The following SNRPN variants were observed in gnomAD, a reference collection of about 807,000 sequenced individuals.
SNRPN encodes small nuclear ribonucleoprotein-associated protein N.
A neutral mutation model predicts 25.2 loss-of-function variants in SNRPN; 7 were observed. That is an observed-to-expected ratio of 0.28 (90% CI 0.16 to 0.52). The LOEUF (loss-of-function observed/expected upper bound fraction) is 0.52, where lower values mean the gene tolerates loss of function less well. Ranked by LOEUF, SNRPN falls within the 20% of genes least tolerant of loss-of-function variation. The pLI, the probability that SNRPN is intolerant of heterozygous loss-of-function variation, is 0.96. For synonymous variants in SNRPN, 124 were observed against 110.6 expected, an observed-to-expected ratio of 1.12 and a Z score of -0.76; for missense variants, 196 against 322.5, an observed-to-expected ratio of 0.61 and a Z score of 3.00.
chr15:24,954,527 A>G (rs1401153749), upstream of SNRPN, among the ~76,000 whole-genome samples: 1 of 152,126 alleles, frequency 6.6e-6, no homozygotes, highest in African/African-American at 2.4e-5. Context: ...ATGCTTTTAG[A>G]GTTAGGGATA....
intron 2 of SNRPN, among the ~76,000 whole-genome samples, chr15:24,841,639 T>C (rs1201496661): frequency 6.6e-6 from 1 of 152,154 alleles, no homozygotes; most frequent in African/African-American, 2.4e-5. Flanking sequence ...GCCCCATTCT[T>C]AACTGTGTCA....
chr15:24,824,623 C>G lies in SNRPN; in HGVS notation c.-687+773C>G, dbSNP rs17114784. On this transcript the variant is annotated intron_variant, in intron 1 of 12. Coordinates refer to the SNRPN transcript ENST00000400100. ...ATTACAATCTTTATTTCTTCTATATCAATGAGCAAACTACTTTTTTAATTT... is the reference window on the plus strand; with the variant it reads ...ATTACAATCTTTATTTCTTCTATATGAATGAGCAAACTACTTTTTTAATTT... 7.3e-3 allele frequency among the ~76,000 whole-genome samples: 1,116 copies of G among 152,178 alleles called. 16 individuals are homozygous for G. The highest frequency in any genetic ancestry group is 0.025 in the African/African-American group (1,033 of 41,444).
At chr15:24,856,078 T>C (rs576754828), upstream of SNRPN, among the ~76,000 whole-genome samples, 1 of 152,308 alleles carries the variant, frequency 6.6e-6, no homozygotes, top group Middle Eastern at 3.4e-3. Flanking sequence ...GGTTTATTTC[T>C]CTGTGAAAAT....
Position 24,827,123 on chromosome 15 carries a change from T to G in SNRPN, c.-686-2675T>G, listed in dbSNP as rs557017385. Among the ~76,000 whole-genome samples, 10 of 152,192 alleles carry G rather than the reference T, an allele frequency of 6.6e-5. No individual in the cohort carries two copies. In the South Asian group the frequency reaches 1.9e-3, roughly 28 times the overall value. On this transcript the variant is annotated intron_variant, in intron 1 of 12. Transcript: ENST00000400100. ...GTTTAAAGCAGATATCATGAGTGGA[T>G]TTTGCAGGACCGGAAGTTCATCCAG...
At position 24,871,889 on chromosome 15, in the gene SNRPN, C is replaced by T. The variant is rs111286959; in HGVS notation, c.-578-14627C>T. ...CTGGCTAATTTTTTTGTACTTTTAG[C>T]AGAGACGGGGTTTCACCATGTTAGC... On this transcript the variant is annotated intron_variant, in intron 1 of 11. Transcript: ENST00000400097. Among the ~76,000 whole-genome samples, 32 of 117,196 alleles carry T rather than the reference C, an allele frequency of 2.7e-4. 12 individuals are homozygous for T. Among genetic ancestry groups the T allele is most frequent in the Non-Finnish European group, 3.0e-4 (16 of 53,838 alleles). The allele number at this position is 117,196 out of a possible 152,430, so 76.9% of individuals were successfully genotyped here.
At chr15:24,963,017 T>G (rs2075077989) in intron 2 of SNRPN, among the ~76,000 whole-genome samples, 1 of 152,106 alleles carries the variant, frequency 6.6e-6, no homozygotes, top group Non-Finnish European at 1.5e-5. Context: ...ACTGGCCTTT[T>G]CCTCCCCAGA....
intron 1 of SNRPN, among the ~76,000 whole-genome samples, chr15:24,958,198 CTTTG>C (rs901944150): frequency 6.6e-6 from 1 of 152,140 alleles, no homozygotes; most frequent in African/African-American, 2.4e-5. Flanking sequence ...TAATAAACAT[CTTTG>C]TTTTACAAAA....
At chr15:24,976,850 T>G in intron 6 of SNRPN, 27 bp from the exon 7 acceptor site, 1 of 1,600,168 alleles carries the variant, frequency 6.2e-7, no homozygotes, top group East Asian at 2.2e-5. Context: ...ATTGTTTGAT[T>G]TTAGGCTATG....
At chr15:24,907,399 C>A (rs2058880258) in intron 2 of SNRPN, among the ~76,000 whole-genome samples, 1 of 151,906 alleles carries the variant, frequency 6.6e-6, no homozygotes, top group South Asian at 2.1e-4. Context: ...AGATCGAGAC[C>A]ATCCTGACTA....
In SNRPN at chr15:24,898,327, C is replaced by T. The variant is rs369635624; in HGVS notation, c.-505+11738C>T. 5.9e-4 allele frequency among the ~76,000 whole-genome samples: 90 copies of T among 152,290 alleles called. 2 individuals carry two copies. The East Asian group carries it at 0.014, about 23-fold the overall frequency. On this transcript the variant is annotated intron_variant, in intron 2 of 11. Transcript: ENST00000400097. ...ATATTGAGCTAGGCGTGGTGGCTTA[C>T]GCCTGTAATCGCAGCACTTTGGGAG... is the stretch of plus-strand genomic sequence containing the variant.
intron 2 of SNRPN, among the ~76,000 whole-genome samples, chr15:24,906,849 T>C (rs897966340): frequency 2.3e-4 from 35 of 152,158 alleles, no homozygotes; most frequent in African/African-American, 8.2e-4. Context: ...AATTAGGTTT[T>C]TTCTTTTCTG....
At chr15:24,910,962 A>G in intron 2 of SNRPN, 1 of 968,204 alleles carries the variant, frequency 1.0e-6, no homozygotes, top group Admixed American at 1.9e-5. Context: ...GCCAACACCC[A>G]AAACCACTGT....
At chr15:24,852,373 C>T (rs912922047), upstream of SNRPN, 1 of 152,102 alleles carries the variant, frequency 6.6e-6, no homozygotes, top group Non-Finnish European at 1.5e-5. Context: ...GAAACTTAGG[C>T]GATCATTGGG....
intron 2 of SNRPN, among the ~76,000 whole-genome samples, chr15:24,914,533 C>T (rs1478386255): frequency 6.6e-6 from 1 of 151,932 alleles, no homozygotes; most frequent in Non-Finnish European, 1.5e-5. Context: ...TAGTGAGATC[C>T]TCTCCACACA....
intron 3 of SNRPN, among the ~76,000 whole-genome samples, chr15:24,948,020 A>G (rs1434746458): frequency 6.6e-6 from 1 of 152,134 alleles, no homozygotes; most frequent in Non-Finnish European, 1.5e-5. Flanking sequence ...ATAGGTATAC[A>G]TGTGCCATGC....
At chr15:24,954,956 C>T (rs558766553), upstream of SNRPN, 5 of 1,573,232 alleles carry the variant, frequency 3.2e-6, no homozygotes, top group East Asian at 2.3e-5. Context: ...GGGATGTGTG[C>T]GAAGCCTGCC....
intron 1 of SNRPN, among the ~76,000 whole-genome samples, chr15:24,877,577 C>G (rs1014533406): frequency 6.6e-6 from 1 of 152,186 alleles, no homozygotes; most frequent in African/African-American, 2.4e-5. Context: ...GTAATCCCAG[C>G]ACTTTGGGAG....
chr15:24,872,001 G>A lies in SNRPN; in HGVS notation c.-578-14515G>A, dbSNP rs760381797. 9.2e-5 allele frequency among the ~76,000 whole-genome samples: 11 copies of A among 120,094 alleles called. 4 individuals carry two copies. Among genetic ancestry groups the A allele is most frequent in the Non-Finnish European group, 2.0e-4 (11 of 54,710 alleles). The allele number at this position is 120,094 out of a possible 152,430, so 78.8% of individuals were successfully genotyped here. On this transcript the variant is annotated intron_variant, in intron 1 of 11. Transcript: ENST00000400097. ...ATTACAGGCGTAAGCCACCACGCCC[G>A]GCCTTTTGTCCTCTTTTTAGGGTTG...
chr15:24,912,961 A>T (rs185236611), intron 2 of SNRPN, among the ~76,000 whole-genome samples: 57 of 152,228 alleles, frequency 3.7e-4, no homozygotes, highest in African/African-American at 1.3e-3. Flanking sequence ...TTTTTTTGAG[A>T]CAGAGTCTCG....
Sources: allele counts gnomAD v4.1 joint callset (sites outside exome capture counted in the v4.1 genomes callset), GRCh38; gene constraint gnomAD v4.1.1; transcripts MANE v1.5; gene names NCBI Gene and HGNC (gene_info 2026-07-23, HGNC 2026-07-21).